SLC39A11: variants seen among roughly 807,000 people sequenced by gnomAD.
SLC39A11 encodes solute carrier family 39 member 11, also known as zinc transporter ZIP11.
A neutral mutation model predicts 36.1 loss-of-function variants in SLC39A11; 33 were observed. The ratio of observed to expected loss-of-function variants is 0.91; its 90% CI spans 0.69 to 1.22. The LOEUF (loss-of-function observed/expected upper bound fraction) is 1.22. Ranked by LOEUF, SLC39A11 falls within the 50% of genes most tolerant of loss-of-function variation. SLC39A11 has a pLI of 0.00. For missense variants in SLC39A11, 432 were observed against 430.3 expected (o/e 1.00, Z -0.03); for synonymous variants, 166 against 170.3 (o/e 0.97, Z 0.20).
At chr17:72,808,981 T>A (rs1251949790) in intron 6 of SLC39A11, among the ~76,000 whole-genome samples, 1 of 152,346 alleles carries the variant, frequency 6.6e-6, no homozygotes, top group East Asian at 1.9e-4. Flanking sequence ...GCTGTCCTTA[T>A]GTTAATTAAA....
At chr17:72,799,875 G>A (rs1161840746) in intron 6 of SLC39A11, among the ~76,000 whole-genome samples, 2 of 151,772 alleles carry the variant, frequency 1.3e-5, no homozygotes, top group African/African-American at 4.8e-5. Flanking sequence ...GTCCTTTGAA[G>A]CATGTGATCT....
At chr17:72,912,770 A>G (rs2083094089) in intron 5 of SLC39A11, among the ~76,000 whole-genome samples, 1 of 152,318 alleles carries the variant, frequency 6.6e-6, no homozygotes, top group East Asian at 1.9e-4. Context: ...AGAAGGCAGA[A>G]GATGGAATCA....
rs535651497 is a variant in SLC39A11, at chr17:72,718,354, G to A, written c.671+18296C>T. On this transcript the variant is annotated intron_variant, in intron 7 of 9. Transcript: ENST00000255559. ...CTCGTGAGGCTGAGGCAGGAGAATC[G>A]CTTGAACCTGGGAGGTGGAGGTTGC... is the stretch of plus-strand genomic sequence containing the variant. Among the ~76,000 whole-genome samples, 947 of 152,200 alleles carry A rather than the reference G, an allele frequency of 6.2e-3. 2 individuals are homozygous for A. The highest frequency in any genetic ancestry group is 0.012 in the African/African-American group (504 of 41,532).
At chr17:72,857,990 T>A (rs757548790) in intron 5 of SLC39A11, among the ~76,000 whole-genome samples, 1 of 152,228 alleles carries the variant, frequency 6.6e-6, no homozygotes, top group Non-Finnish European at 1.5e-5. Flanking sequence ...TTAGATCCCA[T>A]ATGTCAATTT....
At chr17:72,710,876 T>C (rs1164520973) in intron 7 of SLC39A11, among the ~76,000 whole-genome samples, 1 of 152,248 alleles carries the variant, frequency 6.6e-6, no homozygotes, top group Non-Finnish European at 1.5e-5. Context: ...CAAGTTTTCA[T>C]CATTTTAATG....
chr17:72,780,532 G>GC (rs2076280358), intron 6 of SLC39A11, among the ~76,000 whole-genome samples: 1 of 111,338 alleles, frequency 9.0e-6, no homozygotes, highest in Non-Finnish European at 1.9e-5. Context: ...GGGGGCGGGT[G>GC]GGGGCACAAC....
chr17:72,986,764 G>A (rs1379384386), intron 4 of SLC39A11, among the ~76,000 whole-genome samples: 3 of 152,208 alleles, frequency 2.0e-5, no homozygotes, highest in Admixed American at 2.0e-4. Flanking sequence ...GGTGGCTCAT[G>A]CCTGTAATCC....
intron 7 of SLC39A11, among the ~76,000 whole-genome samples, chr17:72,714,158 C>T (rs1172122377): frequency 6.6e-6 from 1 of 152,066 alleles, no homozygotes; most frequent in Non-Finnish European, 1.5e-5. Context: ...GAGTTCGAGA[C>T]CAGCCTGGCC....
rs1205283004 is a variant in SLC39A11, at chr17:72,729,431, ATATATATATATATATATATATATATAT to A, written c.671+7192_671+7218del. 6.6e-3 allele frequency among the ~76,000 whole-genome samples: 36 copies of A among 5,428 alleles called. 3 individuals carry two copies. The highest frequency in any genetic ancestry group is 0.04 in the African/African-American group (30 of 756). The allele number at this position is 5,428 out of a possible 152,430, so 3.6% of individuals were successfully genotyped here. A position where few individuals can be genotyped will look rare whatever the true frequency, so the allele number is the denominator to read the frequency against. ...TATATATATATATATATATATATAT[ATATATATATATATATATATATATATAT>A]TTTTTTTTTTTTTTTTTTTTGTAGA... is the stretch of plus-strand genomic sequence containing the variant. On this transcript the variant is annotated intron_variant, in intron 7 of 9. Coordinates refer to ENST00000255559, the MANE Select transcript of SLC39A11 (RefSeq NM_139177.4).
At chr17:72,920,585 A>G (rs1021656652) in intron 5 of SLC39A11, among the ~76,000 whole-genome samples, 4 of 149,588 alleles carry the variant, frequency 2.7e-5, no homozygotes, top group South Asian at 2.1e-4. Flanking sequence ...ATACACACAC[A>G]CCCTCTTCCC....
chr17:72,675,809 A>C (rs1223588689), intron 7 of SLC39A11, among the ~76,000 whole-genome samples: 1 of 152,116 alleles, frequency 6.6e-6, no homozygotes, highest in Non-Finnish European at 1.5e-5. Context: ...TCAGCCTCCT[A>C]GCTAGGATTA....
intron 6 of SLC39A11, among the ~76,000 whole-genome samples, chr17:72,822,222 C>A (rs1291861577): frequency 1.3e-5 from 2 of 148,158 alleles, no homozygotes; most frequent in African/African-American, 4.9e-5. Flanking sequence ...TATATATATA[C>A]TATATACATA....
chr17:72,716,436 A>G (rs997528531), intron 7 of SLC39A11, among the ~76,000 whole-genome samples: 21 of 151,958 alleles, frequency 1.4e-4, no homozygotes, highest in Admixed American at 1.4e-3. Flanking sequence ...TTCTTACGAC[A>G]GTTTAATAGC....
chr17:72,664,019 T>C (rs8077366), intron 7 of SLC39A11: 81,170 of 156,448 alleles, frequency 0.52, 23,094 homozygotes, highest in African/African-American at 0.77. Flanking sequence ...TTCAACCAAG[T>C]GCACAGCTTC....
At chr17:72,702,516 G>C (rs11867919) in intron 7 of SLC39A11, among the ~76,000 whole-genome samples, 1 of 152,078 alleles carries the variant, frequency 6.6e-6, no homozygotes, top group Non-Finnish European at 1.5e-5. Flanking sequence ...AGAGACCGAC[G>C]GTCTTCCACT....
chr17:72,990,305 G>A (rs1398076351), intron 4 of SLC39A11, among the ~76,000 whole-genome samples: 1 of 152,032 alleles, frequency 6.6e-6, no homozygotes, highest in African/African-American at 2.4e-5. Context: ...CAAGAAAGAA[G>A]AAAATAAATG....
intron 7 of SLC39A11, among the ~76,000 whole-genome samples, chr17:72,707,894 G>T (rs2072956257): frequency 6.6e-6 from 1 of 152,210 alleles, no homozygotes; most frequent in Admixed American, 6.5e-5. Context: ...AACGATAAGG[G>T]TTTTATCAGT....
At chr17:72,757,838 T>C (rs2075417781) in intron 6 of SLC39A11, among the ~76,000 whole-genome samples, 1 of 152,076 alleles carries the variant, frequency 6.6e-6, no homozygotes, top group African/African-American at 2.4e-5. Flanking sequence ...GTCCCCTGGA[T>C]CTAGACCAGG....
In SLC39A11 at chr17:73,066,303, G is replaced by A. The variant is rs147222639; in HGVS notation, c.147+18505C>T. Among the ~76,000 whole-genome samples the A allele has an allele frequency of 3.4e-3, 516 of 152,246 alleles. 4 individuals carry two copies. Among genetic ancestry groups the A allele is most frequent in the African/African-American group, 9.2e-3 (382 of 41,534 alleles). On this transcript the variant is annotated intron_variant, in intron 3 of 9. Transcript: ENST00000255559. ...AGTCTAGTGGAACTGCCAAATGACC[G>A]CGGCCTCATGAGTGACCCCAGGCAA... is the stretch of plus-strand genomic sequence containing the variant.
Sources: gnomAD v4.1 joint callset for allele counts (sites outside exome capture counted in the v4.1 genomes callset) on GRCh38, gnomAD v4.1.1 for gene constraint, MANE v1.5 for transcripts, NCBI Gene and HGNC (gene_info 2026-07-23, HGNC 2026-07-21) for gene names.